ZFHX3: variants seen among roughly 807,000 people sequenced by gnomAD.
The protein encoded by ZFHX3 is zinc finger homeobox 3, also known as zinc finger homeobox protein 3.
Under a neutral mutation model 279.1 loss-of-function variants are expected in ZFHX3, and 42 were observed. The observed-to-expected ratio is 0.15, with a 90% CI of 0.12 to 0.19. The LOEUF is 0.19. Among genes scored for constraint, ZFHX3 ranks in the 10% least tolerant of loss-of-function variants. The probability of loss-of-function intolerance (pLI) is 1.00; values close to 1 mark genes in which losing one functional copy is unlikely to be tolerated. For missense variants in ZFHX3, 4,981 were observed against 4,754.0 expected (o/e 1.05, Z -1.40); for synonymous variants, 2,293 against 1,957.8 (o/e 1.17, Z -4.52).
At chr16:73,538,449 G>C (rs2019947514) in intron 2 of ZFHX3, among the ~76,000 whole-genome samples, 1 of 152,172 alleles carries the variant, frequency 6.6e-6, no homozygotes, top group Middle Eastern at 3.4e-3. Context: ...ATCATTAATT[G>C]CATTTTAGAA....
At chr16:73,274,402 G>A (rs1446847930) in intron 4 of ZFHX3, among the ~76,000 whole-genome samples, 1 of 152,064 alleles carries the variant, frequency 6.6e-6, no homozygotes, top group African/African-American at 2.4e-5. Context: ...GTGGCTTCTG[G>A]TCTTTATCTT....
At chr16:73,037,685 T>G (rs933296659) in intron 1 of ZFHX3, among the ~76,000 whole-genome samples, 2 of 152,214 alleles carry the variant, frequency 1.3e-5, no homozygotes, top group African/African-American at 2.4e-5. Context: ...GTGCTATCAT[T>G]AGGGACAGTA....
chr16:72,915,696 A>T (rs1479733618), intron 3 of ZFHX3, among the ~76,000 whole-genome samples: 1 of 152,136 alleles, frequency 6.6e-6, no homozygotes, highest in African/African-American at 2.4e-5. Flanking sequence ...CCAAGAGGTC[A>T]AGGCTCCAGT....
chr16:73,728,019 C>CCCCG (rs1555535423), intron 1 of ZFHX3, among the ~76,000 whole-genome samples: 3 of 95,902 alleles, frequency 3.1e-5, no homozygotes, highest in Non-Finnish European at 4.1e-5. Flanking sequence ...AATTGTGCCC[C>CCCCG]CCCCCCGCCC....
chr16:73,654,853 ACTTTTTTTTT>A lies in ZFHX3; in HGVS notation c.-1547+25317_-1547+25326del, dbSNP rs1338345690. Among the ~76,000 whole-genome samples, 17 of 89,558 alleles carry A rather than the reference ACTTTTTTTTT, an allele frequency of 1.9e-4. 1 individual carries two copies. The highest frequency in any genetic ancestry group is 6.6e-4 in the African/African-American group (16 of 24,402). 58.8% of individuals were successfully genotyped at this position (89,558 alleles called of 152,430 possible). A position where few individuals can be genotyped will look rare whatever the true frequency, so the allele number is the denominator to read the frequency against. On this transcript the variant is annotated intron_variant, in intron 2 of 17. Coordinates refer to the ZFHX3 transcript ENST00000641206. ...ATCTCTCTTCTAAACGATAGTAATC[ACTTTTTTTTT>A]TTTTTTTTTTTTTTTGAGACAGAGT...
At chr16:72,993,286 C>T (rs777996338) in intron 1 of ZFHX3, among the ~76,000 whole-genome samples, 1 of 152,204 alleles carries the variant, frequency 6.6e-6, no homozygotes, top group Non-Finnish European at 1.5e-5. Context: ...GCCCACTGTT[C>T]GCATCACAAG....
chr16:73,387,777 G>A lies in ZFHX3; in HGVS notation c.-1291+68226C>T, dbSNP rs377416323. Among the ~76,000 whole-genome samples, 43 of 151,932 alleles carry A rather than the reference G, an allele frequency of 2.8e-4. 1 individual carries two copies. Among genetic ancestry groups the A allele is most frequent in the African/African-American group, 8.9e-4 (37 of 41,436 alleles). ...TATAATATATCTTTATACACAAGTC[G>A]CACATAAACACCCACTGCTTTTGGT... On this transcript the variant is annotated intron_variant, in intron 3 of 17. Transcript: ENST00000641206.
At chr16:73,831,907 T>G (rs891994382) in intron 1 of ZFHX3, among the ~76,000 whole-genome samples, 2 of 152,152 alleles carry the variant, frequency 1.3e-5, no homozygotes, top group African/African-American at 4.8e-5. Flanking sequence ...GCTTCTTTGT[T>G]TTTTTGTTTT....
At chr16:73,120,481 C>T (rs138009797) in intron 7 of ZFHX3, among the ~76,000 whole-genome samples, 4 of 152,106 alleles carry the variant, frequency 2.6e-5, no homozygotes, top group African/African-American at 9.6e-5. Context: ...ACTCCATTGC[C>T]CAGGCTACTC....
At chr16:73,651,226 A>C (rs771902450) in intron 2 of ZFHX3, among the ~76,000 whole-genome samples, 1 of 117,638 alleles carries the variant, frequency 8.5e-6, no homozygotes. Context: ...AATTATCCAG[A>C]ATACGAGGAG....
intron 1 of ZFHX3, among the ~76,000 whole-genome samples, chr16:73,888,949 T>C (rs2030439296): frequency 7.4e-6 from 1 of 135,868 alleles, no homozygotes; most frequent in African/African-American, 2.8e-5. Flanking sequence ...CAAGCCCGCA[T>C]ACTCTCCAGT....
At chr16:73,142,497 G>C (rs921020545) in intron 6 of ZFHX3, among the ~76,000 whole-genome samples, 3 of 152,190 alleles carry the variant, frequency 2.0e-5, no homozygotes, top group African/African-American at 7.2e-5. Context: ...CTTGTAATCT[G>C]TTTCTCCCCC....
At chr16:73,175,316 GC>G (rs1441074691) in intron 5 of ZFHX3, among the ~76,000 whole-genome samples, 1 of 152,168 alleles carries the variant, frequency 6.6e-6, no homozygotes, top group Non-Finnish European at 1.5e-5. Flanking sequence ...GGAGGTGGAG[GC>G]TGCAGTGAGC....
intron 5 of ZFHX3, among the ~76,000 whole-genome samples, chr16:72,818,774 T>C (rs1420022132): frequency 6.6e-6 from 1 of 152,212 alleles, no homozygotes; most frequent in Non-Finnish European, 1.5e-5. Context: ...CACAGTCTTA[T>C]TCTAAGGAAA....
At chr16:73,689,376 C>G (rs2053123577) in intron 1 of ZFHX3, among the ~76,000 whole-genome samples, 1 of 152,114 alleles carries the variant, frequency 6.6e-6, no homozygotes, top group Non-Finnish European at 1.5e-5. Flanking sequence ...TTCCTGGAGT[C>G]ATTGATTTTG....
chr16:73,179,821 C>T (rs11865995), intron 5 of ZFHX3, among the ~76,000 whole-genome samples: 2,625 of 152,216 alleles, frequency 0.017, 86 homozygotes, highest in African/African-American at 0.06. Flanking sequence ...GATGGGGTTG[C>T]GCCGTGACTG....
At chr16:73,710,878 T>C (rs1370783740) in intron 1 of ZFHX3, among the ~76,000 whole-genome samples, 1 of 152,206 alleles carries the variant, frequency 6.6e-6, no homozygotes, top group Non-Finnish European at 1.5e-5. Context: ...TAAGTGGCCG[T>C]GCTGAGGGTC....
At chr16:73,406,058 G>A (rs115098087) in intron 3 of ZFHX3, among the ~76,000 whole-genome samples, 2 of 152,226 alleles carry the variant, frequency 1.3e-5, no homozygotes, top group Admixed American at 6.5e-5. Context: ...ACATTCTATC[G>A]TCTCTAGGAG....
At chr16:73,237,200 G>A (rs1020888667) in intron 5 of ZFHX3, among the ~76,000 whole-genome samples, 1 of 152,144 alleles carries the variant, frequency 6.6e-6, no homozygotes, top group Non-Finnish European at 1.5e-5. Flanking sequence ...TTTTTCATAG[G>A]TTCTTATAAA....
Sources: allele counts gnomAD v4.1 joint callset (sites outside exome capture counted in the v4.1 genomes callset), GRCh38; gene constraint gnomAD v4.1.1; transcripts MANE v1.5; gene names NCBI Gene and HGNC (gene_info 2026-07-23, HGNC 2026-07-21).